Variants in HP1BP3 observed in about 807,000 individuals in gnomAD.
HP1BP3 encodes heterochromatin protein 1 binding protein 3, also known as heterochromatin protein 1-binding protein 3.
Under a neutral mutation model 62.5 loss-of-function variants are expected in HP1BP3, and 12 were observed. That is an observed-to-expected ratio of 0.19 (90% CI 0.12 to 0.31). HP1BP3 has a LOEUF of 0.31. Ranked by LOEUF, HP1BP3 falls within the 10% of genes least tolerant of loss-of-function variation. The pLI is 1.00. For missense variants in HP1BP3, 502 were observed against 651.8 expected (o/e 0.77, Z 2.50); for synonymous variants, 260 against 237.8 (o/e 1.09, Z -0.86).
rs528815374 is a variant in HP1BP3, at chr1:20,750,058, GA to G, written c.982-177del. 6.2e-6 allele frequency: 8 copies of G among 1,286,834 alleles called. No homozygotes were observed. In the Admixed American group the frequency reaches 2.0e-4, roughly 32 times the overall value. The allele number at this position is 1,286,834 out of a possible 1,614,324, so 79.7% of individuals were successfully genotyped here. Reference sequence around the variant, plus strand: ...CATTCAACAGGTATTCAATCTAACTGAGAAGTCCCAACCCTCCTATGGATAT... The same window carrying G: ...CATTCAACAGGTATTCAATCTAACTGGAAGTCCCAACCCTCCTATGGATAT... On this transcript the variant is annotated intron_variant, in intron 9 of 12. Transcript: ENST00000438032.
intron 6 of HP1BP3, among the ~76,000 whole-genome samples, chr1:20,769,041 C>T (rs182383829): frequency 6.6e-6 from 1 of 152,256 alleles, no homozygotes; most frequent in East Asian, 1.9e-4. Context: ...CACAACAGGT[C>T]CTTGGCTCTA....
chr1:20,761,638 G>C (rs1185233534), intron 8 of HP1BP3, among the ~76,000 whole-genome samples: 1 of 152,148 alleles, frequency 6.6e-6, no homozygotes, highest in African/African-American at 2.4e-5. Flanking sequence ...GTATGGGCTA[G>C]ATTCATACAT....
chr1:20,758,071 G>A (rs971393667), intron 8 of HP1BP3, among the ~76,000 whole-genome samples: 1 of 152,070 alleles, frequency 6.6e-6, no homozygotes, highest in Non-Finnish European at 1.5e-5. Flanking sequence ...ATTTGAACCC[G>A]GGAGGCGGAG....
intron 4 of HP1BP3, chr1:20,774,822 G>A (rs1180592571): frequency 4.6e-5 from 7 of 151,986 alleles, no homozygotes; most frequent in African/African-American, 1.7e-4. Context: ...CGTCTCTCCT[G>A]AAAATACAAA....
chr1:20,757,162 T>C lies in HP1BP3; in HGVS notation c.981+4A>G. 6 of 1,597,918 alleles carry C rather than the reference T, an allele frequency of 3.8e-6. No individual in the cohort carries two copies. Among genetic ancestry groups the C allele is most frequent in the Non-Finnish European group, 5.1e-6 (6 of 1,167,006 alleles). ...TCTCCACAACCAGGCCTCTGATCTC[T>C]AACCTGGAATGTCCCCGAAGCACCT... On this transcript the variant is annotated splice_donor_region_variant and intron_variant, in intron 9 of 12. Transcript: ENST00000438032.
At chr1:20,766,631 A>G (rs911393336) in intron 7 of HP1BP3, among the ~76,000 whole-genome samples, 5 of 152,134 alleles carry the variant, frequency 3.3e-5, no homozygotes, top group Non-Finnish European at 7.4e-5. Context: ...TTTTGGGTCT[A>G]GTATTTGGTA....
At position 20,741,048 on chromosome 1, in the gene HP1BP3, T is replaced by C. The variant is rs535914809; in HGVS notation, c.*3749A>G. Among the ~76,000 whole-genome samples the C allele has an allele frequency of 3.3e-5, 5 of 152,314 alleles. No homozygotes were observed. The highest frequency in any genetic ancestry group is 1.2e-4 in the African/African-American group (5 of 41,558). ...TGAAAATGCAAAAGCAAAATCTACA[T>C]GCTAGAAAGTAATGTCAACCAGAAC... On this transcript the variant is annotated 3_prime_UTR_variant, in exon 13 of 13. Transcript: ENST00000438032.
Position 20,779,928 on chromosome 1 carries a change from C to G in HP1BP3, c.97-17G>C. 6.3e-7 allele frequency: 1 copy of G among 1,588,034 alleles called. No individual in the cohort carries two copies. Among genetic ancestry groups the G allele is most frequent in the Non-Finnish European group, 8.6e-7 (1 of 1,161,612 alleles). The stretch of plus-strand genomic sequence containing the variant: ...TTCTACCTTCTAAGAAAAGAGATGG[C>G]CATAATCAAACATGCATTAAAAAAT... On this transcript the variant is annotated splice_polypyrimidine_tract_variant and intron_variant, in intron 2 of 12. Coordinates refer to ENST00000438032, the MANE Select transcript of HP1BP3 (RefSeq NM_001372052.1).
intron 9 of HP1BP3, among the ~76,000 whole-genome samples, chr1:20,751,999 C>A (rs1190977209): frequency 1.3e-5 from 2 of 151,868 alleles, no homozygotes; most frequent in African/African-American, 4.8e-5. Flanking sequence ...GTGGCTCATG[C>A]CTGTAATCCC....
chr1:20,760,959 G>A (rs1193489177), intron 8 of HP1BP3, among the ~76,000 whole-genome samples: 1 of 152,210 alleles, frequency 6.6e-6, no homozygotes, highest in African/African-American at 2.4e-5. Flanking sequence ...AGAAGTTATT[G>A]CTCTAATACA....
chr1:20,756,473 C>T lies in HP1BP3; in HGVS notation c.981+693G>A, dbSNP rs530796187. The stretch of plus-strand genomic sequence containing the variant: ...CAATCCCAGCACTTTGGGAGGCTGA[C>T]GCTGGAGGACCCCTTGAACCTGGGA... On this transcript the variant is annotated intron_variant, in intron 9 of 12. Transcript: ENST00000438032. Among the ~76,000 whole-genome samples, 144 of 151,656 alleles carry T rather than the reference C, an allele frequency of 9.5e-4. 1 individual carries two copies. The highest frequency in any genetic ancestry group is 3.2e-3 in the African/African-American group (133 of 41,350).
chr1:20,770,768 G>A (rs1199745889), intron 6 of HP1BP3, among the ~76,000 whole-genome samples, 162 bp downstream of exon 6: 6 of 152,130 alleles, frequency 3.9e-5, no homozygotes, highest in South Asian at 4.1e-4. Context: ...CAGCATTTTC[G>A]AAACCTAGCC....
At chr1:20,781,878 A>G (rs945092520) in intron 1 of HP1BP3, among the ~76,000 whole-genome samples, 21 of 152,204 alleles carry the variant, frequency 1.4e-4, no homozygotes, top group African/African-American at 4.6e-4. Context: ...TGCCCGCCTC[A>G]GCCTCCCAAA....
In HP1BP3 at chr1:20,773,576, C is replaced by G. The variant is rs2154541103; in HGVS notation, c.385G>C (p.Val129Leu). ...KDQSKEKEKK[V>L]KKTIPSWATL... ...GCCCAGGAAGGAATTGTTTTTTTCA[C>G]TTTCTTCTCCTTTTCTTTAGACTGA... The change falls in exon 5 of 13, where the codon GTG (valine) becomes CTG (leucine). Residue 129 changes from valine to leucine, a missense_variant. By Grantham distance (32) the Val-to-Leu change is conservative (BLOSUM62 1). Coordinates refer to ENST00000438032, the MANE Select transcript of HP1BP3 (RefSeq NM_001372052.1). The G allele has an allele frequency of 6.2e-7, 1 of 1,608,428 alleles. No homozygotes were observed. The highest frequency in any genetic ancestry group is 8.5e-7 in the Non-Finnish European group (1 of 1,176,846).
intron 4 of HP1BP3, chr1:20,775,649 C>T (rs549733343): frequency 9.8e-6 from 2 of 203,552 alleles, no homozygotes; most frequent in African/African-American, 4.6e-5. Context: ...GTGTCCTACA[C>T]AGGTATACCA....
intron 6 of HP1BP3, among the ~76,000 whole-genome samples, chr1:20,768,724 C>T (rs917149607): frequency 1.3e-5 from 2 of 152,046 alleles, no homozygotes; most frequent in African/African-American, 4.8e-5. Context: ...CCTGTAATCC[C>T]AGCTACTCAG....
chr1:20,779,984 C>G, intron 2 of HP1BP3, 73 bp from the exon 3 acceptor site: 2 of 1,141,502 alleles, frequency 1.8e-6, no homozygotes, highest in Non-Finnish European at 1.3e-6. Flanking sequence ...AAGGGCCTAA[C>G]TGGGTGTCAG....
In HP1BP3 at chr1:20,776,598, C is replaced by T. The variant is rs1431672569; in HGVS notation, c.349G>A (p.Asp117Asn). ...ENKSSEETKK[D>N]EKDQSKEKEK... ...TAGCAAGAAGACATAACTCCTTACT[C>T]CTTTTTGGTTTCCTCAGAAGACTTA... Residue 117 changes from aspartate to asparagine, a missense_variant and splice_region_variant, in exon 4 of 13, where the codon GAT becomes AAT. Asp to Asn is a conservative substitution (Grantham distance 23). Transcript: ENST00000438032. 1.2e-6 allele frequency: 2 copies of T among 1,610,430 alleles called. No individual in the cohort carries two copies. The highest frequency in any genetic ancestry group is 8.5e-7 in the Non-Finnish European group (1 of 1,178,548).
At chr1:20,768,821 C>CT (rs34497271) in intron 6 of HP1BP3, among the ~76,000 whole-genome samples, 3,344 of 152,092 alleles carry the variant, frequency 0.022, 128 homozygotes, top group African/African-American at 0.075. Flanking sequence ...GAGCGAGACT[C>CT]CATCTCAAAA....
Sources: allele counts gnomAD v4.1 joint callset (sites outside exome capture counted in the v4.1 genomes callset), GRCh38; gene constraint gnomAD v4.1.1; transcripts MANE v1.5; gene names NCBI Gene and HGNC (gene_info 2026-07-23, HGNC 2026-07-21).